GATA3: variants seen among roughly 807,000 people sequenced by gnomAD.
GATA3 encodes the protein GATA binding protein 3.
GATA3 carries 6 observed loss-of-function variants against 36.0 expected under a neutral mutation model. That is an observed-to-expected ratio of 0.17 (90% CI 0.09 to 0.33). GATA3 has a LOEUF of 0.33. Among genes scored for constraint, GATA3 ranks in the 10% least tolerant of loss-of-function variants. GATA3 has a pLI of 1.00. For missense variants in GATA3, 514 were observed against 610.1 expected, an observed-to-expected ratio of 0.84 and a Z score of 1.66; for synonymous variants, 326 against 273.0, an observed-to-expected ratio of 1.19 and a Z score of -1.92.
upstream of GATA3, among the ~76,000 whole-genome samples, chr10:8,049,411 C>T (rs1395649648): frequency 1.3e-5 from 2 of 152,264 alleles, no homozygotes; most frequent in Non-Finnish European, 2.9e-5. Flanking sequence ...TGCCCACTGC[C>T]CGACTGCCTT....
intron 4 of GATA3, among the ~76,000 whole-genome samples, chr10:8,065,700 G>A (rs965318360): frequency 1.6e-5 from 1 of 62,292 alleles, no homozygotes; most frequent in Non-Finnish European, 2.8e-5. Flanking sequence ...CAGCAGTTTG[G>A]TTTTTTTTTT....
chr10:8,049,293 C>A (rs1263750223), upstream of GATA3, among the ~76,000 whole-genome samples: 2 of 152,188 alleles, frequency 1.3e-5, no homozygotes, highest in Non-Finnish European at 2.9e-5. Context: ...CTTCCCATTG[C>A]CAGTGAGTTT....
In GATA3 at chr10:8,055,951, C is replaced by A. The variant is rs1390194631; in HGVS notation, c.241+55C>A. The stretch of plus-strand genomic sequence containing the variant: ...GCCGGCCGCTTCAGCCGTCCCGGCT[C>A]GGGGAGGTCGGGAGGGACCTGAGGG... On this transcript the variant is annotated intron_variant, in intron 2 of 5. Transcript: ENST00000379328. This position sits in a 1 kb window ranked among gnomAD's most constrained non-coding sequence, Gnocchi z 5.4. 5 of 1,548,372 alleles carry A rather than the reference C, an allele frequency of 3.2e-6. No individual in the cohort carries two copies. Among genetic ancestry groups the A allele is most frequent in the Non-Finnish European group, 4.4e-6 (5 of 1,145,472 alleles).
At chr10:8,062,149 A>C (rs1003025254) in intron 3 of GATA3, among the ~76,000 whole-genome samples, 1 of 152,094 alleles carries the variant, frequency 6.6e-6, no homozygotes, top group Non-Finnish European at 1.5e-5. Flanking sequence ...TTTTGACCCC[A>C]ACTGAAAGGT....
chr10:8,053,020 A>T (rs911943884), upstream of GATA3: 3 of 152,192 alleles, frequency 2.0e-5, no homozygotes, highest in Non-Finnish European at 2.9e-5. This position sits in a 1 kb window ranked among gnomAD's most constrained non-coding sequence, Gnocchi z 5.1. Flanking sequence ...AAGAAGATCC[A>T]AACGCGAGAC....
rs1470676586 is a variant in GATA3 at position 8,061,105 on chromosome 10, A to G, written c.778+2264A>G. ...TCTCTCTCTCTTTTTTACCCCTTTA[A>G]CCTCTTCTTTGCAAATGCATTTGCT... On this transcript the variant is annotated intron_variant, in intron 3 of 5. Transcript: ENST00000379328. Among the ~76,000 whole-genome samples, 4 of 113,506 alleles carry G rather than the reference A, an allele frequency of 3.5e-5. No homozygotes were observed. The Admixed American group carries it at 3.9e-4, about 11-fold the overall frequency. The allele number at this position is 113,506 out of a possible 152,430, so 74.5% of individuals were successfully genotyped here.
In GATA3 at chr10:8,058,546, C is replaced by T; in HGVS notation, c.483C>T (p.Val161=). 1 of 1,612,408 alleles carries T rather than the reference C, an allele frequency of 6.2e-7. No individual in the cohort carries two copies. Among genetic ancestry groups the T allele is most frequent in the African/African-American group, 1.3e-5 (1 of 75,022 alleles). The part of the protein sequence containing the change: ...FTFPPTPPKD[V]SPDPSLSTPG... ...TCCCGCCCACCCCGCCGAAGGACGTCTCCCCGGACCCATCGCTGTCCACCC... is the reference window on the plus strand; with the variant it reads ...TCCCGCCCACCCCGCCGAAGGACGTTTCCCCGGACCCATCGCTGTCCACCC... The change falls in exon 3 of 6, where the codon GTC becomes GTT. Residue 161 remains valine (V), a synonymous_variant. Transcript: ENST00000379328.
intron 2 of GATA3, 141 bp from the exon 3 acceptor site, chr10:8,058,164 G>GA: frequency 1.2e-6 from 1 of 862,868 alleles, no homozygotes; most frequent in Non-Finnish European, 1.8e-6. Flanking sequence ...GGACCGCCAG[G>GA]ATGAGAGAGT....
At chr10:8,072,307 AG>A (rs760206364) in intron 5 of GATA3, among the ~76,000 whole-genome samples, 22 of 152,314 alleles carry the variant, frequency 1.4e-4, no homozygotes, top group Non-Finnish European at 2.5e-4. Context: ...CCCAGAGCCA[AG>A]GGTTCTCCAC....
chr10:8,060,567 G>T (rs530437344), intron 3 of GATA3, among the ~76,000 whole-genome samples: 2 of 151,864 alleles, frequency 1.3e-5, no homozygotes, highest in East Asian at 1.9e-4. Context: ...TTCTGGTAAG[G>T]CTATGAGGTT....
At chr10:8,049,406 A>C (rs1832433868), upstream of GATA3, among the ~76,000 whole-genome samples, 1 of 152,248 alleles carries the variant, frequency 6.6e-6, no homozygotes, top group South Asian at 2.1e-4. Flanking sequence ...AGTATTGCCC[A>C]CTGCCCGACT....
upstream of GATA3, chr10:8,053,523 G>T (rs2131475816): frequency 6.6e-6 from 1 of 152,314 alleles, no homozygotes; most frequent in South Asian, 2.1e-4. This position sits in a 1 kb window ranked among gnomAD's most constrained non-coding sequence, Gnocchi z 5.1. Flanking sequence ...CCGCGGGGCG[G>T]ACCAATCGCG....
At position 8,062,518 on chromosome 10, in the gene GATA3, C is replaced by G. The variant is rs184720607; in HGVS notation, c.779-1475C>G. ...TCACAGGCCCCCAAGTGTGAACCCC[C>G]CTAGTTCCCTCCTACTTGATCTGGG... On this transcript the variant is annotated intron_variant, in intron 3 of 5. Coordinates refer to ENST00000379328, the MANE Select transcript of GATA3 (RefSeq NM_001002295.2). Among the ~76,000 whole-genome samples the G allele has an allele frequency of 2.0e-5, 3 of 152,184 alleles. No homozygotes were observed. In the East Asian group the frequency reaches 5.8e-4, roughly 29 times the overall value.
At position 8,058,292 on chromosome 10, in the gene GATA3, C is replaced by T. The variant is rs760636171; in HGVS notation, c.242-13C>T. 29 of 1,613,410 alleles carry T rather than the reference C, an allele frequency of 1.8e-5. No homozygotes were observed. The South Asian group carries it at 1.9e-4, about 10-fold the overall frequency. On this transcript the variant is annotated splice_polypyrimidine_tract_variant and intron_variant, in intron 2 of 5. Coordinates refer to ENST00000379328, the MANE Select transcript of GATA3 (RefSeq NM_001002295.2). Reference sequence around the variant, plus strand: ...CTCCTTCTCTCTCCTGCCCTTTCCCCGTTGCCCCACAGGGAGCCAGGTGTG... The same window carrying T: ...CTCCTTCTCTCTCCTGCCCTTTCCCTGTTGCCCCACAGGGAGCCAGGTGTG...
rs34298349 is a variant in GATA3, at chr10:8,067,358, C to A, written c.925-2115C>A. ...AATTTTTTTAAAAAGGTCATATATACTCTGTTATTTACATCCCACAGAAGC... is the reference window on the plus strand; with the variant it reads ...AATTTTTTTAAAAAGGTCATATATAATCTGTTATTTACATCCCACAGAAGC... On this transcript the variant is annotated intron_variant, in intron 4 of 5. Transcript: ENST00000379328. 2.6e-4 allele frequency among the ~76,000 whole-genome samples: 39 copies of A among 152,262 alleles called. 1 individual carries two copies. In the East Asian group the frequency reaches 7.3e-3, roughly 29 times the overall value.
rs1323651943 is a variant in GATA3 at position 8,074,480 on chromosome 10, C to G, written c.*457C>G. The G allele has an allele frequency of 4.2e-6, 1 of 237,526 alleles. No homozygotes were observed. Among genetic ancestry groups the G allele is most frequent in the Admixed American group, 5.6e-5 (1 of 17,738 alleles). The allele number at this position is 237,526 out of a possible 1,614,324, so 14.7% of individuals were successfully genotyped here. ...CAGTTTTGTTTCCTTTCACTGGCCA[C>G]AGTTGTTTGATGCATTAAAAGAAAA... On this transcript the variant is annotated 3_prime_UTR_variant, in exon 6 of 6. Coordinates refer to ENST00000379328, the MANE Select transcript of GATA3 (RefSeq NM_001002295.2).
At chr10:8,051,354 C>A (rs1588369013), upstream of GATA3, 1 of 237,688 alleles carries the variant, frequency 4.2e-6, no homozygotes, top group East Asian at 1.6e-4. Flanking sequence ...CCGACCCGCA[C>A]GCCGCCCCGG....
rs2131520403 is a variant in GATA3, at chr10:8,073,786, C to T, written c.1098C>T (p.Asn366=). 1.2e-6 allele frequency: 2 copies of T among 1,613,886 alleles called. No homozygotes were observed. The highest frequency in any genetic ancestry group is 1.7e-6 in the Non-Finnish European group (2 of 1,179,984). ...AGAAGGAAGGCATCCAGACCAGAAA[C>T]CGAAAAATGTCTAGCAAATCCAAAA... ...TMKKEGIQTR[N]RKMSSKSKKC... The change falls in exon 6 of 6, where the codon AAC becomes AAT. Residue 366 remains asparagine, a synonymous_variant. Coordinates refer to ENST00000379328, the MANE Select transcript of GATA3 (RefSeq NM_001002295.2).
Position 8,068,502 on chromosome 10 carries a change from G to A in GATA3, c.925-971G>A, listed in dbSNP as rs112180499. 3.9e-4 allele frequency among the ~76,000 whole-genome samples: 60 copies of A among 152,232 alleles called. 2 individuals are homozygous for A. In the South Asian group the frequency reaches 0.011, roughly 29 times the overall value. ...TGTGGTGGCTCACGCCTGTAATACCGGCACTTTGGGAGGCCGAGGCAGGTG... is the reference window on the plus strand; with the variant it reads ...TGTGGTGGCTCACGCCTGTAATACCAGCACTTTGGGAGGCCGAGGCAGGTG... On this transcript the variant is annotated intron_variant, in intron 4 of 5. Coordinates refer to ENST00000379328, the MANE Select transcript of GATA3 (RefSeq NM_001002295.2).
Sources: allele counts gnomAD v4.1 joint callset (sites outside exome capture counted in the v4.1 genomes callset), GRCh38; gene constraint gnomAD v4.1.1; non-coding constraint Gnocchi (gnomAD v3.1); transcripts MANE v1.5; gene names NCBI Gene and HGNC (gene_info 2026-07-23, HGNC 2026-07-21).